The following MARCHF10 variants were observed in gnomAD, a reference collection of about 807,000 sequenced individuals.
MARCHF10 encodes the protein membrane associated ring-CH-type finger 10, also known as probable E3 ubiquitin-protein ligase MARCHF10.
MARCHF10 carries 64 observed loss-of-function variants against 76.2 expected under a neutral mutation model. That is an observed-to-expected ratio of 0.84 (90% CI 0.69 to 1.03). The LOEUF (loss-of-function observed/expected upper bound fraction) is 1.03, where lower values mean the gene tolerates loss of function less well. Ranked by LOEUF, MARCHF10 falls within the 50% of genes least tolerant of loss-of-function variation. The pLI, the probability that MARCHF10 is intolerant of heterozygous loss-of-function variation, is 0.00. For missense variants in MARCHF10, 875 were observed against 958.0 expected, an observed-to-expected ratio of 0.91 and a Z score of 1.14; for synonymous variants, 340 against 357.5, an observed-to-expected ratio of 0.95 and a Z score of 0.55.
Position 62,738,109 on chromosome 17 carries a change from C to T in MARCHF10, c.536-777G>A, listed in dbSNP as rs1952247695. Among the ~76,000 whole-genome samples the T allele has an allele frequency of 6.9e-6, 1 of 145,512 alleles. No homozygotes were observed. Among genetic ancestry groups the T allele is most frequent in the Admixed American group, 6.8e-5 (1 of 14,658 alleles). On this transcript the variant is annotated intron_variant, in intron 5 of 10. Coordinates refer to ENST00000311269, the MANE Select transcript of MARCHF10 (RefSeq NM_152598.4). The surrounding 1 kb of genome is among the most constrained non-coding windows in gnomAD (Gnocchi z 4.0). ...ACACACACACACACACAACTTAAGCCTCACAACCCTGTGAAATAGGTAACA... is the reference window on the plus strand; with the variant it reads ...ACACACACACACACACAACTTAAGCTTCACAACCCTGTGAAATAGGTAACA...
intron 6 of MARCHF10, among the ~76,000 whole-genome samples, chr17:62,727,472 C>T (rs2090816705): frequency 6.6e-6 from 1 of 151,676 alleles, no homozygotes; most frequent in Admixed American, 6.6e-5. Flanking sequence ...AGTTCAAGCC[C>T]AGCCTGGGCA....
intron 4 of MARCHF10, among the ~76,000 whole-genome samples, chr17:62,756,534 G>T (rs1195849450): frequency 6.6e-6 from 1 of 152,186 alleles, no homozygotes; most frequent in Non-Finnish European, 1.5e-5. Context: ...TTAAGACAAA[G>T]AAAACAAAGT....
intron 8 of MARCHF10, among the ~76,000 whole-genome samples, chr17:62,722,209 T>C (rs572486372): frequency 6.9e-6 from 1 of 144,158 alleles, no homozygotes; most frequent in Admixed American, 7.6e-5. Context: ...CTTGAACCTG[T>C]GAGGCAGAGT....
rs557304104 is a variant in MARCHF10 at position 62,796,813 on chromosome 17, AC to A, written c.90+4832del. Among the ~76,000 whole-genome samples the A allele has an allele frequency of 1.4e-4, 22 of 152,100 alleles. No homozygotes were observed. In the East Asian group the frequency reaches 2.9e-3, roughly 20 times the overall value. On this transcript the variant is annotated intron_variant, in intron 2 of 10. Coordinates refer to ENST00000311269, the MANE Select transcript of MARCHF10 (RefSeq NM_152598.4). ...ATACCAGCCTGGCCAACATGGTGAGACCCCCGTGTCTCTATAAAAATACAAA... is the reference window on the plus strand; with the variant it reads ...ATACCAGCCTGGCCAACATGGTGAGACCCCGTGTCTCTATAAAAATACAAA...
chr17:62,726,092 A>G (rs1568117203), intron 6 of MARCHF10: 4 of 152,252 alleles, frequency 2.6e-5, no homozygotes, highest in South Asian at 2.1e-4. Flanking sequence ...CCAACAAATG[A>G]CATCAGCATT....
chr17:62,742,297 G>A (rs1421332185), intron 5 of MARCHF10, among the ~76,000 whole-genome samples: 2 of 152,136 alleles, frequency 1.3e-5, no homozygotes, highest in East Asian at 3.8e-4. Flanking sequence ...TGGGATTACA[G>A]GCATGAGCCA....
intron 2 of MARCHF10, among the ~76,000 whole-genome samples, chr17:62,798,984 G>C (rs561540556): frequency 8.5e-5 from 13 of 152,290 alleles, no homozygotes; most frequent in Middle Eastern, 6.8e-3. Flanking sequence ...GGCTGAGTGG[G>C]TTCTCACCTG....
chr17:62,706,704 C>T (rs1034497093), intron 9 of MARCHF10, among the ~76,000 whole-genome samples: 18 of 152,120 alleles, frequency 1.2e-4, no homozygotes, highest in African/African-American at 4.1e-4. Context: ...TGCACCTAGC[C>T]TGAAGTTTTC....
intron 3 of MARCHF10, among the ~76,000 whole-genome samples, chr17:62,778,095 A>T (rs1011432836): frequency 3.9e-5 from 6 of 152,196 alleles, no homozygotes; most frequent in Non-Finnish European, 8.8e-5. Context: ...AGACAGAAAG[A>T]TGTACCCCAT....
At chr17:62,747,742 T>A (rs556215590) in intron 4 of MARCHF10, among the ~76,000 whole-genome samples, 2 of 152,232 alleles carry the variant, frequency 1.3e-5, no homozygotes, top group Non-Finnish European at 2.9e-5. Context: ...ACTTCACAGG[T>A]TGGCAATAAC....
At chr17:62,776,356 G>A (rs2092554628) in intron 3 of MARCHF10, among the ~76,000 whole-genome samples, 1 of 152,112 alleles carries the variant, frequency 6.6e-6, no homozygotes, top group Non-Finnish European at 1.5e-5. Context: ...TATCAACCCG[G>A]CCACATGGCA....
chr17:62,722,677 G>T (rs1454213410), intron 7 of MARCHF10, 80 bp from the exon 8 acceptor site: 11 of 1,164,788 alleles, frequency 9.4e-6, no homozygotes, highest in Non-Finnish European at 1.2e-5. Context: ...GATATTTGGG[G>T]AGTGAACTTG....
At chr17:62,732,577 C>A (rs546029924) in intron 6 of MARCHF10, among the ~76,000 whole-genome samples, 10 of 152,300 alleles carry the variant, frequency 6.6e-5, no homozygotes, top group Non-Finnish European at 1.3e-4. Flanking sequence ...AGTCCAAATC[C>A]ATTTCACATT....
At chr17:62,728,157 T>C (rs1329657207) in intron 6 of MARCHF10, among the ~76,000 whole-genome samples, 1 of 152,176 alleles carries the variant, frequency 6.6e-6, no homozygotes, top group Non-Finnish European at 1.5e-5. Context: ...CCCAAGTAGC[T>C]GTGACCACAG....
chr17:62,736,011 C>T lies in MARCHF10; in HGVS notation c.1857G>A (p.Met619Ile). The change falls in exon 6 of 11, where the codon ATG becomes ATA. Residue 619 changes from methionine (M) to isoleucine (I), a missense_variant. Met to Ile is a conservative substitution (Grantham distance 10, BLOSUM62 1). Transcript: ENST00000311269. ...FPNQNDNGSR[M>I]AASGFTDEKE... is the part of the protein sequence containing the mutation. ...TTTCATCTGTGAAACCAGAGGCTGC[C>T]ATCCTGCTCCCATTATCATTTTGAT... is the stretch of plus-strand genomic sequence containing the variant. 1.2e-6 allele frequency: 2 copies of T among 1,614,110 alleles called. No homozygotes were observed. Among genetic ancestry groups the T allele is most frequent in the Non-Finnish European group, 1.7e-6 (2 of 1,180,014 alleles).
At chr17:62,790,395 T>G (rs1335259153) in intron 2 of MARCHF10, among the ~76,000 whole-genome samples, 1 of 152,118 alleles carries the variant, frequency 6.6e-6, no homozygotes, top group Non-Finnish European at 1.5e-5. Context: ...AGGCTGGTCT[T>G]GAACTCCTGA....
intron 2 of MARCHF10, 33 bp downstream of exon 2, chr17:62,801,613 A>C (rs546765304): frequency 6.5e-7 from 1 of 1,533,160 alleles, no homozygotes; most frequent in African/African-American, 1.4e-5. Flanking sequence ...CTGCAAGAGA[A>C]GGCAGAAGAC....
At chr17:62,705,236 G>C (rs968177576) in intron 10 of MARCHF10, 17 of 1,335,378 alleles carry the variant, frequency 1.3e-5, no homozygotes, top group Non-Finnish European at 1.5e-5. Context: ...CTGGACGCTG[G>C]AGAATCCCAG....
chr17:62,701,741 C>T lies in MARCHF10; in HGVS notation c.2389G>A (p.Gly797Arg), dbSNP rs1426141497. 7 of 1,614,052 alleles carry T rather than the reference C, an allele frequency of 4.3e-6. No individual in the cohort carries two copies. The highest frequency in any genetic ancestry group is 1.3e-5 in the African/African-American group (1 of 74,922). The change falls in exon 11 of 11, where the codon GGA (glycine) becomes AGA (arginine). Residue 797 changes from glycine (G) to arginine (R), a missense_variant. Gly to Arg is a moderately radical substitution (Grantham distance 125). Transcript: ENST00000311269. ...CTTTGAGAAATGCTGCCTTCATTTC[C>T]ATCTCCCAACTCCGAATCTGGAAGG... ...EENENSELGD[G>R]NEGSISQSQV...
Sources: allele counts gnomAD v4.1 joint callset (sites outside exome capture counted in the v4.1 genomes callset), GRCh38; gene constraint gnomAD v4.1.1; non-coding constraint Gnocchi (gnomAD v3.1); transcripts MANE v1.5; gene names NCBI Gene and HGNC (gene_info 2026-07-23, HGNC 2026-07-21).